The following SYTL3 variants were observed in gnomAD, a reference collection of about 807,000 sequenced individuals.
SYTL3 encodes synaptotagmin-like protein 3.
SYTL3 carries 88 observed loss-of-function variants against 82.1 expected under a neutral mutation model. The observed-to-expected ratio is 1.07, with a 90% confidence interval of 0.90 to 1.28. The LOEUF is 1.28. Ranked by LOEUF, SYTL3 falls within the 50% of genes most tolerant of loss-of-function variation. SYTL3 has a pLI of 0.00. For missense variants in SYTL3, 831 were observed against 757.6 expected (o/e 1.10, Z -1.14); for synonymous variants, 311 against 289.4 (o/e 1.07, Z -0.76).
At chr6:158,705,434 A>G (rs573995608) in intron 6 of SYTL3, among the ~76,000 whole-genome samples, 1 of 139,284 alleles carries the variant, frequency 7.2e-6, no homozygotes, top group South Asian at 2.3e-4. Context: ...GGGCAGGGTA[A>G]CACTGAGGGC....
At chr6:158,660,357 T>A (rs1168105364) in intron 2 of SYTL3, among the ~76,000 whole-genome samples, 2 of 152,186 alleles carry the variant, frequency 1.3e-5, no homozygotes, top group Non-Finnish European at 2.9e-5. Context: ...ACTGGATGAA[T>A]GGATCCAGGA....
intron 10 of SYTL3, 21 bp downstream of exon 10, chr6:158,718,232 C>T (rs995781552): frequency 1.3e-6 from 2 of 1,490,130 alleles, no homozygotes; most frequent in Non-Finnish European, 1.8e-6. Flanking sequence ...CCCCACAAGG[C>T]CTCCACGCTG....
intron 12 of SYTL3, among the ~76,000 whole-genome samples, chr6:158,750,830 T>G (rs1037310077): frequency 6.6e-6 from 1 of 152,110 alleles, no homozygotes; most frequent in African/African-American, 2.4e-5. Flanking sequence ...GAATTTCGCT[T>G]TATTGCCCAG....
intron 5 of SYTL3, among the ~76,000 whole-genome samples, chr6:158,675,076 T>C (rs1401199559): frequency 6.6e-6 from 1 of 152,132 alleles, no homozygotes; most frequent in Non-Finnish European, 1.5e-5. Flanking sequence ...GATTAAAGAC[T>C]TAAATGTTAG....
At chr6:158,655,705 G>A (rs1039957103) in intron 2 of SYTL3, among the ~76,000 whole-genome samples, 2 of 152,190 alleles carry the variant, frequency 1.3e-5, no homozygotes, top group Non-Finnish European at 2.9e-5. Context: ...GTCTCCACAT[G>A]CATCAGCACG....
At chr6:158,741,152 C>T (rs9457460) in intron 11 of SYTL3, among the ~76,000 whole-genome samples, 1 of 152,208 alleles carries the variant, frequency 6.6e-6, no homozygotes, top group Non-Finnish European at 1.5e-5. Context: ...ACTGCAACTT[C>T]TGCCTCCTGG....
At chr6:158,696,853 G>A (rs1780615558) in intron 6 of SYTL3, among the ~76,000 whole-genome samples, 1 of 152,062 alleles carries the variant, frequency 6.6e-6, no homozygotes, top group East Asian at 1.9e-4. Flanking sequence ...AGAATAGAAA[G>A]CCTAGAAATA....
chr6:158,732,361 G>A (rs1021081715), intron 11 of SYTL3, among the ~76,000 whole-genome samples: 1 of 152,220 alleles, frequency 6.6e-6, no homozygotes, highest in South Asian at 2.1e-4. Flanking sequence ...ATGAAGACAA[G>A]GTATCAAAAT....
intron 6 of SYTL3, among the ~76,000 whole-genome samples, chr6:158,686,907 T>C (rs1015605083): frequency 6.6e-6 from 1 of 152,178 alleles, no homozygotes; most frequent in African/African-American, 2.4e-5. Flanking sequence ...AAGCCCCCAC[T>C]GGACCCTAAT....
At chr6:158,673,440 A>AT (rs553781177) in intron 5 of SYTL3, among the ~76,000 whole-genome samples, 22,718 of 134,414 alleles carry the variant, frequency 0.17, 2,643 homozygotes, top group African/African-American at 0.3. Flanking sequence ...TGGGAATAGC[A>AT]TTTTTTTTTT....
At chr6:158,684,214 C>T (rs1467786548) in intron 6 of SYTL3, among the ~76,000 whole-genome samples, 2 of 152,142 alleles carry the variant, frequency 1.3e-5, no homozygotes, top group East Asian at 3.8e-4. Flanking sequence ...GGTGGTGACA[C>T]TCAATCTAGA....
chr6:158,719,702 G>C (rs1783842851), intron 10 of SYTL3, among the ~76,000 whole-genome samples: 3 of 152,170 alleles, frequency 2.0e-5, no homozygotes, highest in Non-Finnish European at 2.9e-5. Context: ...ACCATATGAA[G>C]CCCTGTGTGC....
chr6:158,659,143 T>G (rs531935393), intron 2 of SYTL3, among the ~76,000 whole-genome samples: 2 of 152,300 alleles, frequency 1.3e-5, no homozygotes, highest in East Asian at 1.9e-4. Flanking sequence ...TACACATACC[T>G]CGAGTTCTCT....
chr6:158,727,689 C>CTTTTTTTT (rs55657606), intron 11 of SYTL3, among the ~76,000 whole-genome samples: 1 of 106,728 alleles, frequency 9.4e-6, no homozygotes, highest in African/African-American at 4.3e-5. Context: ...TCCAAGTACT[C>CTTTTTTTT]TTTTTTTTTT....
intron 2 of SYTL3, among the ~76,000 whole-genome samples, chr6:158,653,511 A>G (rs969725305): frequency 1.3e-5 from 2 of 150,448 alleles, no homozygotes; most frequent in African/African-American, 4.9e-5. Flanking sequence ...GTCTCAGAGA[A>G]AAAAAAAAAG....
intron 9 of SYTL3, among the ~76,000 whole-genome samples, chr6:158,716,326 A>C (rs1783424347): frequency 6.6e-6 from 1 of 152,170 alleles, no homozygotes; most frequent in Non-Finnish European, 1.5e-5. Flanking sequence ...CTCTCCCCTC[A>C]TCTGTGAACT....
At chr6:158,657,425 C>CAAAAAAAAAAAAAAAA (rs535361947) in intron 2 of SYTL3, among the ~76,000 whole-genome samples, 2 of 80,106 alleles carry the variant, frequency 2.5e-5, no homozygotes, top group African/African-American at 5.1e-5. Flanking sequence ...GACTCTGGCT[C>CAAAAAAAAAAAAAAAA]AAAAAAAAAA....
At position 158,665,447 on chromosome 6, in the gene SYTL3, G is replaced by A. The variant is rs774289664; in HGVS notation, c.163G>A (p.Asp55Asn). 6.2e-7 allele frequency: 1 copy of A among 1,608,952 alleles called. No homozygotes were observed. The highest frequency in any genetic ancestry group is 2.2e-5 in the East Asian group (1 of 44,692). Residue 55 changes from aspartate (D) to asparagine (N), a missense_variant, in exon 5 of 18, where the codon GAC (aspartate) becomes AAC (asparagine). By Grantham distance (23) the Asp-to-Asn change is conservative. Transcript: ENST00000611299. ...CCGGTGGAAAGGAGCGAAGAACACGGACTGGGAGCACAAAGAGAAGTGCTG... is the reference window on the plus strand; with the variant it reads ...CCGGTGGAAAGGAGCGAAGAACACGAACTGGGAGCACAAAGAGAAGTGCTG... ...HLRWKGAKNT[D>N]WEHKEKCCAR...
intron 11 of SYTL3, among the ~76,000 whole-genome samples, chr6:158,740,845 A>G (rs1786838366): frequency 6.6e-6 from 1 of 152,190 alleles, no homozygotes; most frequent in African/African-American, 2.4e-5. Flanking sequence ...ATTACAATCA[A>G]CACATTTTTG....
Sources: gnomAD v4.1 joint callset for allele counts (sites outside exome capture counted in the v4.1 genomes callset) on GRCh38, gnomAD v4.1.1 for gene constraint, MANE v1.5 for transcripts, NCBI Gene and HGNC (gene_info 2026-07-23, HGNC 2026-07-21) for gene names.